Variants in TULP3 observed in about 807,000 individuals in gnomAD.
TULP3 encodes tubby-related protein 3.
In TULP3, 38 loss-of-function variants were observed where a neutral mutation model predicts 50.7. The observed-to-expected ratio is 0.75, with a 90% CI of 0.58 to 0.98. The LOEUF is 0.98. Among genes scored for constraint, TULP3 ranks in the 50% least tolerant of loss-of-function variants. TULP3 has a pLI of 0.00. For synonymous variants in TULP3, 183 were observed against 196.6 expected, an observed-to-expected ratio of 0.93 and a Z score of 0.58; for missense variants, 550 against 568.0, an observed-to-expected ratio of 0.97 and a Z score of 0.32.
Position 2,938,307 on chromosome 12 carries a change from G to A in TULP3, c.1195+22G>A, listed in dbSNP as rs149025316. 21 of 1,610,028 alleles carry A rather than the reference G, an allele frequency of 1.3e-5. No individual in the cohort carries two copies. In the African/African-American group the frequency reaches 2.8e-4, roughly 21 times the overall value. On this transcript the variant is annotated intron_variant, in intron 10 of 10. Coordinates refer to ENST00000448120, the MANE Select transcript of TULP3 (RefSeq NM_003324.5). ...GACCGTAAGCCTCCAGGAGGGGTTG[G>A]GTGGGAAGAGGAGGACAGATGCTCT...
intron 1 of TULP3, among the ~76,000 whole-genome samples, chr12:2,901,217 A>G (rs2098179049): frequency 1.3e-5 from 2 of 149,724 alleles, no homozygotes; most frequent in South Asian, 2.1e-4. Context: ...GACTCAGGCA[A>G]TCCTCCTGCC....
At position 2,909,616 on chromosome 12, in the gene TULP3, A is replaced by G. The variant is rs202060113; in HGVS notation, c.93+36A>G. The G allele has an allele frequency of 1.9e-5, 30 of 1,568,850 alleles. 1 individual carries two copies. Among genetic ancestry groups the G allele is most frequent in the Middle Eastern group, 3.4e-4 (2 of 5,926 alleles). On this transcript the variant is annotated intron_variant, in intron 2 of 10. Coordinates refer to ENST00000448120, the MANE Select transcript of TULP3 (RefSeq NM_003324.5). Reference sequence around the variant, plus strand: ...TCTCCTCTTTTGAAATAGGTGGCCAACTATACTGACCGTGATGCTGATGGT... The same window carrying G: ...TCTCCTCTTTTGAAATAGGTGGCCAGCTATACTGACCGTGATGCTGATGGT...
intron 1 of TULP3, among the ~76,000 whole-genome samples, chr12:2,898,928 A>G (rs2159419): frequency 0.48 from 72,314 of 151,680 alleles, 17,685 homozygotes; most frequent in African/African-American, 0.6. Context: ...GTCTGCCCAC[A>G]TAGGCATCGC....
rs144775550 is a variant in TULP3, at chr12:2,908,414, T to C, written c.42-1115T>C. ...GGAAATTGTCAAAAATAGAAAAGGCTTCAGAGAGAGGTTGTTTTTTTCTGT... is the reference window on the plus strand; with the variant it reads ...GGAAATTGTCAAAAATAGAAAAGGCCTCAGAGAGAGGTTGTTTTTTTCTGT... On this transcript the variant is annotated intron_variant, in intron 1 of 10. Coordinates refer to ENST00000448120, the MANE Select transcript of TULP3 (RefSeq NM_003324.5). 2.6e-3 allele frequency among the ~76,000 whole-genome samples: 357 copies of C among 137,272 alleles called. 7 individuals are homozygous for C. The highest frequency in any genetic ancestry group is 2.9e-3 in the East Asian group (13 of 4,460). 90.1% of individuals were successfully genotyped at this position (137,272 alleles called of 152,430 possible). A position where few individuals can be genotyped will look rare whatever the true frequency, so the allele number is the denominator to read the frequency against.
intron 1 of TULP3, among the ~76,000 whole-genome samples, chr12:2,898,472 C>CT (rs1406463867): frequency 2.0e-5 from 3 of 152,108 alleles, no homozygotes; most frequent in Non-Finnish European, 2.9e-5. Flanking sequence ...GCCAGTAGTC[C>CT]TTTTCTGCGA....
At chr12:2,921,107 G>C (rs2098191417) in intron 3 of TULP3, among the ~76,000 whole-genome samples, 185 bp downstream of exon 3, 1 of 152,124 alleles carries the variant, frequency 6.6e-6, no homozygotes, top group Non-Finnish European at 1.5e-5. Context: ...ATCAGTGGAA[G>C]ATGCCTTAAG....
chr12:2,903,876 C>T (rs1159393361), intron 1 of TULP3, among the ~76,000 whole-genome samples: 1 of 151,980 alleles, frequency 6.6e-6, no homozygotes, highest in African/African-American at 2.4e-5. Flanking sequence ...CTCCGCCTCC[C>T]GGGTTCAAGC....
intron 1 of TULP3, among the ~76,000 whole-genome samples, chr12:2,895,693 C>G (rs2098175152): frequency 1.3e-5 from 2 of 152,054 alleles, no homozygotes; most frequent in African/African-American, 4.8e-5. Flanking sequence ...TCACTCTATA[C>G]AGTTATTTGC....
chr12:2,939,222 C>T lies in TULP3; in HGVS notation c.1196-89C>T. 1 of 1,448,582 alleles carries T rather than the reference C, an allele frequency of 6.9e-7. No individual in the cohort carries two copies. Among genetic ancestry groups the T allele is most frequent in the African/African-American group, 1.4e-5 (1 of 71,816 alleles). The allele number at this position is 1,448,582 out of a possible 1,614,324, so 89.7% of individuals were successfully genotyped here. A position where few individuals can be genotyped will look rare whatever the true frequency, so the allele number is the denominator to read the frequency against. On this transcript the variant is annotated intron_variant, in intron 10 of 10. Transcript: ENST00000448120. This position sits in a 1 kb window ranked among gnomAD's most constrained non-coding sequence, Gnocchi z 4.0. ...CTCCAGCCAGGGCGACAGAGCAAAA[C>T]CCCATCTAAGAAAAGGAAGAAAAAG...
chr12:2,933,028 C>T (rs937350627), intron 6 of TULP3, among the ~76,000 whole-genome samples: 9 of 152,030 alleles, frequency 5.9e-5, no homozygotes, highest in Middle Eastern at 3.4e-3. Context: ...CTGCAAGCTC[C>T]GCCTCCTGGG....
chr12:2,930,961 TC>T, intron 5 of TULP3, 75 bp from the exon 6 acceptor site: 1 of 1,505,444 alleles, frequency 6.6e-7, no homozygotes, highest in Non-Finnish European at 9.2e-7. Context: ...AGTTGCTTTG[TC>T]CACTAAGTGT....
rs746242429 is a variant in TULP3, at chr12:2,920,856, A to C, written c.187A>C (p.Arg63=). 6.2e-7 allele frequency: 1 copy of C among 1,614,162 alleles called. No homozygotes were observed. The highest frequency in any genetic ancestry group is 8.5e-7 in the Non-Finnish European group (1 of 1,180,032). Residue 63 remains arginine, a synonymous_variant, in exon 3 of 11, where the codon AGG becomes CGG. Coordinates refer to ENST00000448120, the MANE Select transcript of TULP3 (RefSeq NM_003324.5). ...PEARLRRAKP[R]ASDEQTPLVN... is the part of the protein sequence containing the mutation. ...AGCCAGGCTACGTCGGGCAAAGCCA[A>C]GGGCCAGTGATGAGCAGACTCCCTT...
intron 8 of TULP3, 117 bp from the exon 9 acceptor site, chr12:2,937,514 C>A: frequency 1.3e-6 from 1 of 778,976 alleles, no homozygotes; most frequent in Non-Finnish European, 2.2e-6. Context: ...ACTGCCCCGG[C>A]TGATACAGCT....
At chr12:2,921,354 C>G (rs1259662049) in intron 3 of TULP3, among the ~76,000 whole-genome samples, 1 of 151,934 alleles carries the variant, frequency 6.6e-6, no homozygotes, top group African/African-American at 2.4e-5. Flanking sequence ...GTTGGCCAGG[C>G]TTGTCTCGAA....
At chr12:2,901,474 C>T (rs554376012) in intron 1 of TULP3, among the ~76,000 whole-genome samples, 2 of 151,850 alleles carry the variant, frequency 1.3e-5, no homozygotes, top group South Asian at 2.1e-4. Context: ...TTCTGCCTCC[C>T]GGGTTCAAGC....
chr12:2,915,130 A>T (rs916975514), intron 2 of TULP3, among the ~76,000 whole-genome samples: 2 of 152,050 alleles, frequency 1.3e-5, no homozygotes, highest in Non-Finnish European at 2.9e-5. Context: ...CTAGGACTAC[A>T]GGCAGACGCC....
At chr12:2,895,137 T>C (rs538634585) in intron 1 of TULP3, among the ~76,000 whole-genome samples, 3 of 152,340 alleles carry the variant, frequency 2.0e-5, no homozygotes, top group Non-Finnish European at 4.4e-5. Flanking sequence ...GCTTTTGCTG[T>C]GTGGTACTTG....
chr12:2,939,991 C>A lies in TULP3; in HGVS notation c.*547C>A. ...GCAGTAGAATCAGGGACTGACATCG[C>A]AGTTCCTCTCCTCTCTTCATTCCCT... On this transcript the variant is annotated 3_prime_UTR_variant, in exon 11 of 11. Coordinates refer to ENST00000448120, the MANE Select transcript of TULP3 (RefSeq NM_003324.5). The surrounding 1 kb of genome is among the most constrained non-coding windows in gnomAD (Gnocchi z 4.0). The A allele has an allele frequency of 7.8e-7, 1 of 1,281,450 alleles. No individual in the cohort carries two copies. Among genetic ancestry groups the A allele is most frequent in the Non-Finnish European group, 1.0e-6 (1 of 982,052 alleles). The allele number at this position is 1,281,450 out of a possible 1,614,324, so 79.4% of individuals were successfully genotyped here.
In TULP3 at chr12:2,909,576, A is replaced by T; in HGVS notation, c.89A>T (p.Tyr30Phe). 1 of 1,580,650 alleles carries T rather than the reference A, an allele frequency of 6.3e-7. No homozygotes were observed. Among genetic ancestry groups the T allele is most frequent in the African/African-American group, 1.4e-5 (1 of 71,896 alleles). The change falls in exon 2 of 11, where the codon TAT becomes TTT. Residue 30 changes from tyrosine to phenylalanine, a missense_variant. Transcript: ENST00000448120. The stretch of plus-strand genomic sequence containing the variant: ...AAGATGCGACAGGCTAAGCTGGATT[A>T]TCAGGTGAGCAGAGTCTCCTCTTTT... The part of the protein sequence containing the change: ...MMKMRQAKLD[Y>F]QRLLLEKRQR...
Sources: allele counts gnomAD v4.1 joint callset (sites outside exome capture counted in the v4.1 genomes callset), GRCh38; gene constraint gnomAD v4.1.1; non-coding constraint Gnocchi (gnomAD v3.1); transcripts MANE v1.5; gene names NCBI Gene and HGNC (gene_info 2026-07-23, HGNC 2026-07-21).